PRR33: variants seen among roughly 807,000 people sequenced by gnomAD.
The protein encoded by PRR33 is proline-rich protein 33.
Under a neutral mutation model 0.5 loss-of-function variants are expected in PRR33, and 1 was observed. The ratio of observed to expected loss-of-function variants is 2.18; its 90% CI spans 0.77 to 10.34. PRR33 has a LOEUF of 10.34. Ranked by LOEUF, PRR33 falls within the 30% of genes most tolerant of loss-of-function variation. PRR33 has a pLI of 0.13. For missense variants in PRR33, 552 were observed against 251.8 expected, an observed-to-expected ratio of 2.19 and a Z score of -8.07; for synonymous variants, 226 against 110.0, an observed-to-expected ratio of 2.06 and a Z score of -6.60.
chr11:1,908,629 C>G, the PRR33 span, among the ~76,000 whole-genome samples: 1 of 152,146 alleles, frequency 6.6e-6, no homozygotes, highest in Non-Finnish European at 1.5e-5. Context: ...ATTTTAAAAA[C>G]TGATTTAAAA....
chr11:1,890,427 C>T, exon 1 of PRR33: 1 of 717,250 alleles, frequency 1.4e-6, no homozygotes, highest in Non-Finnish European at 2.6e-6. Context: ...GAGGTGTGTG[C>T]CTCCCATCAT....
the PRR33 span, among the ~76,000 whole-genome samples, chr11:1,898,159 T>C: frequency 6.6e-6 from 1 of 152,084 alleles, no homozygotes; most frequent in Admixed American, 6.5e-5. Context: ...CACACACCTT[T>C]AGCAAGAGAA....
At chr11:1,888,989 T>A (rs145554205) in exon 1 of PRR33, 189 of 540,056 alleles carry the variant, frequency 3.5e-4, no homozygotes, top group African/African-American at 3.5e-3. Flanking sequence ...CAGACTTCCC[T>A]CAGCACCCCA....
the PRR33 span, among the ~76,000 whole-genome samples, chr11:1,905,944 G>T: frequency 6.6e-6 from 1 of 151,098 alleles, no homozygotes; most frequent in Non-Finnish European, 1.5e-5. Context: ...TCAGCCTCCC[G>T]AGTAGCTGTG....
At chr11:1,889,153 G>A (rs1334591517) in exon 1 of PRR33, 1 of 659,570 alleles carries the variant, frequency 1.5e-6, no homozygotes, top group Non-Finnish European at 2.8e-6. Context: ...CTTCACTGGA[G>A]CCTCCAGCCA....
the PRR33 span, among the ~76,000 whole-genome samples, chr11:1,905,433 CTT>C: frequency 0.32 from 31,461 of 97,380 alleles, 5,003 homozygotes; most frequent in Non-Finnish European, 0.44. Flanking sequence ...GGCCTTCTCT[CTT>C]TTTTTTTTTT....
the PRR33 span, among the ~76,000 whole-genome samples, chr11:1,899,285 G>A: frequency 2.0e-5 from 3 of 152,134 alleles, no homozygotes; most frequent in Non-Finnish European, 2.9e-5. Context: ...GGAGTCTGGC[G>A]ATGCCCTCTT....
At chr11:1,898,135 C>G in the PRR33 span, among the ~76,000 whole-genome samples, 4 of 152,206 alleles carry the variant, frequency 2.6e-5, no homozygotes, top group African/African-American at 9.6e-5. Flanking sequence ...GGATCCAGAG[C>G]AAGTCTATCA....
chr11:1,893,468 G>T (rs554962911), upstream of PRR33, among the ~76,000 whole-genome samples: 3 of 150,906 alleles, frequency 2.0e-5, no homozygotes, highest in South Asian at 6.3e-4. Context: ...TGGATGGATG[G>T]GTTAGTGAAT....
At chr11:1,892,040 A>T (rs1018169055), upstream of PRR33, 1 of 148,414 alleles carries the variant, frequency 6.7e-6, no homozygotes, top group Non-Finnish European at 1.5e-5. Flanking sequence ...ACTCCTGATC[A>T]TTGGCCAAAG....
At chr11:1,905,797 C>T in the PRR33 span, among the ~76,000 whole-genome samples, 1 of 151,638 alleles carries the variant, frequency 6.6e-6, no homozygotes, top group Admixed American at 6.6e-5. Flanking sequence ...TTGGGCTTTG[C>T]TTTTTTATCA....
chr11:1,913,831 G>A, the PRR33 span, among the ~76,000 whole-genome samples: 9 of 152,380 alleles, frequency 5.9e-5, no homozygotes, highest in East Asian at 5.8e-4. Flanking sequence ...GCTCTGCGGT[G>A]AGCACGAGCT....
chr11:1,910,276 G>A, the PRR33 span, among the ~76,000 whole-genome samples: 1 of 152,138 alleles, frequency 6.6e-6, no homozygotes, highest in East Asian at 1.9e-4. Flanking sequence ...TTGAGACGGA[G>A]TCTCGCTCTG....
At chr11:1,898,360 C>T in the PRR33 span, among the ~76,000 whole-genome samples, 8 of 152,028 alleles carry the variant, frequency 5.3e-5, no homozygotes, top group Non-Finnish European at 8.8e-5. Context: ...CTCAGCCTCA[C>T]GATTAGTTGA....
upstream of PRR33, chr11:1,892,312 G>C (rs1849032615): frequency 6.6e-6 from 1 of 152,290 alleles, no homozygotes; most frequent in African/African-American, 2.4e-5. Context: ...GGCCAGGATG[G>C]AAATGTTGGG....
chr11:1,895,482 TTTC>T (rs1478114334), upstream of PRR33, among the ~76,000 whole-genome samples: 1 of 152,242 alleles, frequency 6.6e-6, no homozygotes, highest in Non-Finnish European at 1.5e-5. Flanking sequence ...TGCAAAGATT[TTTC>T]TCCTGGTTGG....
chr11:1,909,468 G>A, the PRR33 span, among the ~76,000 whole-genome samples: 5 of 152,046 alleles, frequency 3.3e-5, no homozygotes, highest in African/African-American at 7.2e-5. Context: ...AAAATTAGCC[G>A]GGCGTGGTGG....
exon 1 of PRR33, chr11:1,889,483 C>T (rs1412623592): frequency 6.5e-6 from 4 of 619,822 alleles, no homozygotes; most frequent in Non-Finnish European, 1.2e-5. Context: ...GGGGTGGGCA[C>T]CTCTGGCTCC....
At chr11:1,911,650 ACCT>A in the PRR33 span, among the ~76,000 whole-genome samples, 2 of 151,272 alleles carry the variant, frequency 1.3e-5, no homozygotes, top group South Asian at 4.2e-4. Context: ...CAAACTCCTG[ACCT>A]CAAGTGATTC....
Sources: gnomAD v4.1 joint callset for allele counts (sites outside exome capture counted in the v4.1 genomes callset) on GRCh38, gnomAD v4.1.1 for gene constraint, MANE v1.5 for transcripts, NCBI Gene and HGNC (gene_info 2026-07-23, HGNC 2026-07-21) for gene names.